The following TBC1D31 variants were observed in gnomAD, a reference collection of about 807,000 sequenced individuals.
The protein encoded by TBC1D31 is WD repeat domain 67.
In TBC1D31, 99 loss-of-function variants were observed where a neutral mutation model predicts 132.9. The ratio of observed to expected loss-of-function variants is 0.74; its 90% confidence interval spans 0.63 to 0.88. TBC1D31 has a LOEUF of 0.88. TBC1D31 is among the 40% of genes least tolerant of loss of function. The pLI is 0.00. For synonymous variants in TBC1D31, 385 were observed against 419.4 expected (o/e 0.92, Z 1.00); for missense variants, 1,134 against 1,256.6 (o/e 0.90, Z 1.48).
At chr8:123,125,665 A>G (rs942448299) in intron 11 of TBC1D31, among the ~76,000 whole-genome samples, 1 of 152,096 alleles carries the variant, frequency 6.6e-6, no homozygotes, top group African/African-American at 2.4e-5. Context: ...ATTTTAGTAG[A>G]TTTGAGGAGA....
downstream of TBC1D31, among the ~76,000 whole-genome samples, chr8:123,157,061 C>T (rs1053064244): frequency 1.3e-5 from 2 of 152,238 alleles, no homozygotes; most frequent in Non-Finnish European, 2.9e-5. Flanking sequence ...TTCCTGGACA[C>T]TCGGGCCGCA....
chr8:123,129,081 T>TA lies in TBC1D31; in HGVS notation c.2134dup (p.Met712AsnfsTer4). ...CCTACTTAAGGCAGACAGTTGAAGA[T>TA]ATGCAAGCTAAAGTCGACCAGCAAA... is the stretch of plus-strand genomic sequence containing the variant. On this transcript the variant is annotated frameshift_variant, in exon 15 of 22. Transcript: ENST00000287380. LOFTEE classifies it high-confidence loss of function. The TA allele has an allele frequency of 6.3e-7, 1 of 1,596,540 alleles. No individual in the cohort carries two copies. Among genetic ancestry groups the TA allele is most frequent in the Non-Finnish European group, 8.6e-7 (1 of 1,169,160 alleles).
At chr8:123,074,405 T>C (rs1483237472) in intron 1 of TBC1D31, among the ~76,000 whole-genome samples, 1 of 152,216 alleles carries the variant, frequency 6.6e-6, no homozygotes, top group African/African-American at 2.4e-5. Flanking sequence ...TCCTGGTTAC[T>C]GTCAGGCCTC....
intron 17 of TBC1D31, among the ~76,000 whole-genome samples, chr8:123,138,292 G>C (rs962531282): frequency 7.2e-5 from 11 of 152,120 alleles, no homozygotes; most frequent in African/African-American, 2.7e-4. Flanking sequence ...TTCTTCTGTT[G>C]TTAGATGTTT....
intron 2 of TBC1D31, among the ~76,000 whole-genome samples, chr8:123,078,433 C>T (rs530576832): frequency 1.3e-5 from 2 of 152,270 alleles, no homozygotes; most frequent in Non-Finnish European, 2.9e-5. Context: ...AGATATAGCA[C>T]TAAATAGAGG....
chr8:123,144,912 G>C, intron 20 of TBC1D31, 57 bp downstream of exon 20: 5 of 1,506,674 alleles, frequency 3.3e-6, no homozygotes, highest in Non-Finnish European at 4.5e-6. Context: ...CTTTTAGTAG[G>C]GTCTATTATT....
intron 14 of TBC1D31, 134 bp from the exon 15 acceptor site, chr8:123,128,932 G>T (rs1215597610): frequency 6.4e-6 from 4 of 622,428 alleles, no homozygotes; most frequent in African/African-American, 5.7e-5. Context: ...GAGTTTGAAG[G>T]CTAGAAATAT....
chr8:123,073,305 T>A, intron 1 of TBC1D31: 1 of 457,816 alleles, frequency 2.2e-6, no homozygotes, highest in Non-Finnish European at 4.4e-6. Flanking sequence ...CTTGGATGTG[T>A]TTAGACGCAC....
At chr8:123,077,518 A>G (rs1457634602) in intron 2 of TBC1D31, among the ~76,000 whole-genome samples, 4 of 150,690 alleles carry the variant, frequency 2.7e-5, no homozygotes, top group Non-Finnish European at 4.4e-5. Flanking sequence ...TAAATTTAAA[A>G]ATTTATTATT....
intron 18 of TBC1D31, 53 bp from the exon 19 acceptor site, chr8:123,142,209 T>C: frequency 1.5e-6 from 2 of 1,371,280 alleles, no homozygotes; most frequent in Admixed American, 2.4e-5. Context: ...TATACCTTCA[T>C]TTTATGTACT....
chr8:123,100,743 A>ATAG lies in TBC1D31; in HGVS notation c.832-60_832-58dup. 11 of 1,259,110 alleles carry ATAG rather than the reference A, an allele frequency of 8.7e-6. 1 individual carries two copies. The South Asian group carries it at 1.3e-4, about 15-fold the overall frequency. The allele number at this position is 1,259,110 out of a possible 1,614,324, so 78.0% of individuals were successfully genotyped here. ...GTTGCATACACGTAAAGACGTGTAT[A>ATAG]TAGTAGGACTTTCAGACATTGACTA... On this transcript the variant is annotated intron_variant, in intron 6 of 21. Transcript: ENST00000287380.
chr8:123,116,631 A>G (rs941894305), intron 10 of TBC1D31, among the ~76,000 whole-genome samples: 3 of 152,080 alleles, frequency 2.0e-5, no homozygotes, highest in Admixed American at 2.0e-4. Context: ...TAACAATGAC[A>G]CCCTGGTAAC....
At chr8:123,099,234 C>T (rs1479077011) in intron 6 of TBC1D31, among the ~76,000 whole-genome samples, 1 of 152,150 alleles carries the variant, frequency 6.6e-6, no homozygotes, top group Non-Finnish European at 1.5e-5. Context: ...ATTCTCCTGC[C>T]TCAGCCTCCC....
At chr8:123,125,093 A>G (rs1563731153) in intron 11 of TBC1D31, among the ~76,000 whole-genome samples, 1 of 152,234 alleles carries the variant, frequency 6.6e-6, no homozygotes, top group Non-Finnish European at 1.5e-5. Context: ...GAAAGTTCTT[A>G]TAAACCACTG....
At chr8:123,164,917 T>C in the TBC1D31 span, among the ~76,000 whole-genome samples, 2 of 152,292 alleles carry the variant, frequency 1.3e-5, no homozygotes, top group South Asian at 4.1e-4. Flanking sequence ...TCTGTGACAT[T>C]TTCCACTTAA....
At chr8:123,151,655 A>C (rs749178198) in intron 21 of TBC1D31, 151 bp from the exon 22 acceptor site, 3 of 631,640 alleles carry the variant, frequency 4.7e-6, no homozygotes, top group Non-Finnish European at 7.1e-6. Context: ...TGTAAATGGA[A>C]CCACCTAGGG....
intron 2 of TBC1D31, among the ~76,000 whole-genome samples, chr8:123,078,148 G>A (rs1235014243): frequency 6.6e-6 from 1 of 152,172 alleles, no homozygotes; most frequent in Non-Finnish European, 1.5e-5. Context: ...ATGGAGATAG[G>A]TATTCATGCA....
the TBC1D31 span, among the ~76,000 whole-genome samples, chr8:123,162,301 T>C: frequency 3.9e-5 from 6 of 152,116 alleles, no homozygotes; most frequent in Non-Finnish European, 8.8e-5. Context: ...GTGGAAAGTG[T>C]ATCTGTGTGT....
chr8:123,080,848 A>G (rs866022983), intron 2 of TBC1D31, among the ~76,000 whole-genome samples: 2 of 151,994 alleles, frequency 1.3e-5, no homozygotes, highest in African/African-American at 2.4e-5. Flanking sequence ...AGCTTTTCTT[A>G]TATCTGCTTT....
Sources: allele counts gnomAD v4.1 joint callset (sites outside exome capture counted in the v4.1 genomes callset), GRCh38; gene constraint gnomAD v4.1.1; transcripts MANE v1.5; gene names NCBI Gene and HGNC (gene_info 2026-07-23, HGNC 2026-07-21).